Variants in PRKN observed in about 807,000 individuals in gnomAD.
PRKN encodes parkin RBR E3 ubiquitin protein ligase, also known as E3 ubiquitin-protein ligase parkin.
PRKN carries 56 observed loss-of-function variants against 59.5 expected under a neutral mutation model. The ratio of observed to expected loss-of-function variants is 0.94; its 90% CI spans 0.76 to 1.18. PRKN has a LOEUF of 1.18. Ranked by LOEUF, PRKN falls within the 50% of genes most tolerant of loss-of-function variation. The pLI is 0.00. For missense variants in PRKN, 657 were observed against 596.4 expected, an observed-to-expected ratio of 1.10 and a Z score of -1.06; for synonymous variants, 250 against 222.1, an observed-to-expected ratio of 1.13 and a Z score of -1.12.
At chr6:161,804,577 T>C (rs935673402) in intron 6 of PRKN, among the ~76,000 whole-genome samples, 1 of 152,238 alleles carries the variant, frequency 6.6e-6, no homozygotes, top group Non-Finnish European at 1.5e-5. Context: ...AGGATTGAAG[T>C]AAACTCTGGT....
intron 7 of PRKN, among the ~76,000 whole-genome samples, chr6:161,635,499 C>G (rs1783478707): frequency 6.6e-6 from 1 of 152,250 alleles, no homozygotes. Flanking sequence ...CCTCAGCCCC[C>G]ATTCATGTGA....
chr6:162,336,252 A>T (rs887332884), intron 2 of PRKN, among the ~76,000 whole-genome samples: 1 of 152,116 alleles, frequency 6.6e-6, no homozygotes, highest in African/African-American at 2.4e-5. Flanking sequence ...CAAGTATAAA[A>T]TGTTCATATT....
At chr6:162,276,695 G>A (rs943091691) in intron 2 of PRKN, among the ~76,000 whole-genome samples, 2 of 147,786 alleles carry the variant, frequency 1.4e-5, no homozygotes, top group Non-Finnish European at 3.0e-5. Flanking sequence ...AAGCTGGTGT[G>A]TGTGTGTGTG....
At chr6:161,798,824 C>G (rs1414138496) in intron 6 of PRKN, among the ~76,000 whole-genome samples, 1 of 152,096 alleles carries the variant, frequency 6.6e-6, no homozygotes, top group African/African-American at 2.4e-5. Context: ...GCCAGGCACG[C>G]TTACATGGAA....
chr6:162,650,738 C>G (rs781075097), intron 1 of PRKN, among the ~76,000 whole-genome samples: 2 of 152,138 alleles, frequency 1.3e-5, no homozygotes, highest in Non-Finnish European at 2.9e-5. Flanking sequence ...ATGTTTTTCT[C>G]CATTGGCTTA....
chr6:162,146,847 C>T (rs1782051526), intron 4 of PRKN, among the ~76,000 whole-genome samples: 1 of 151,928 alleles, frequency 6.6e-6, no homozygotes, highest in Admixed American at 6.6e-5. Context: ...TCTCTTGACT[C>T]AGCCTCCCGA....
At chr6:162,459,752 TAGC>T (rs1352051875) in intron 1 of PRKN, among the ~76,000 whole-genome samples, 2 of 152,240 alleles carry the variant, frequency 1.3e-5, no homozygotes, top group Non-Finnish European at 1.5e-5. Flanking sequence ...CAGTAAATGT[TAGC>T]AGCTACTAAA....
At chr6:161,464,779 C>T (rs575491092) in intron 9 of PRKN, among the ~76,000 whole-genome samples, 1 of 152,276 alleles carries the variant, frequency 6.6e-6, no homozygotes, top group South Asian at 2.1e-4. Context: ...ACATACAGGC[C>T]CCTAAGGTCT....
chr6:161,455,705 T>C lies in PRKN; in HGVS notation c.1084-68828A>G, dbSNP rs377114019. ...ATGGTGAAACCCCATCTCTACTAAA[T>C]ACAAAAAATTAGCCAGGTATGGTGG... is the stretch of plus-strand genomic sequence containing the variant. On this transcript the variant is annotated intron_variant, in intron 9 of 11. Transcript: ENST00000366898. Among the ~76,000 whole-genome samples, 61 of 151,696 alleles carry C rather than the reference T, an allele frequency of 4.0e-4. 1 individual carries two copies. The East Asian group carries it at 0.011, about 26-fold the overall frequency.
chr6:161,587,813 T>C (rs1781573429), intron 7 of PRKN, among the ~76,000 whole-genome samples: 1 of 152,108 alleles, frequency 6.6e-6, no homozygotes, highest in Admixed American at 6.6e-5. Context: ...TTTAAAGGTG[T>C]TTTGAACACA....
intron 5 of PRKN, among the ~76,000 whole-genome samples, chr6:162,014,218 C>A (rs7741581): frequency 6.6e-6 from 1 of 151,942 alleles, no homozygotes; most frequent in South Asian, 2.1e-4. Context: ...TAAAAACCCA[C>A]GTGTGACATT....
In PRKN at chr6:162,235,940, AG is replaced by A. The variant is rs1398731825; in HGVS notation, c.412+26584del. ...AAGGAAGGAAGGAAGGAAGGAAGGA[AG>A]GAAGGAAGGAAGAAAGGAAGAAAGA... On this transcript the variant is annotated intron_variant, in intron 3 of 11. Transcript: ENST00000366898. Among the ~76,000 whole-genome samples the A allele has an allele frequency of 5.2e-3, 510 of 97,198 alleles. 2 individuals are homozygous for A. The highest frequency in any genetic ancestry group is 0.013 in the African/African-American group (228 of 17,388). 63.8% of individuals were successfully genotyped at this position (97,198 alleles called of 152,430 possible). A position where few individuals can be genotyped will look rare whatever the true frequency, so the allele number is the denominator to read the frequency against.
chr6:162,192,976 G>A (rs1357622646), intron 4 of PRKN, among the ~76,000 whole-genome samples: 2 of 152,210 alleles, frequency 1.3e-5, no homozygotes, highest in Non-Finnish European at 2.9e-5. Context: ...GCGTCTGCAA[G>A]ACCGACTTCT....
Position 161,584,029 on chromosome 6 carries a change from C to G in PRKN, c.872-14613G>C, listed in dbSNP as rs996300368. On this transcript the variant is annotated intron_variant, in intron 7 of 11. Coordinates refer to ENST00000366898, the MANE Select transcript of PRKN (RefSeq NM_004562.3). This position sits in a 1 kb window ranked among gnomAD's most constrained non-coding sequence, Gnocchi z 4.8. ...AATTTGTCTACAAACTTAACACCAC[C>G]AATCACAGTGAGGCCAATGTCCCCC... 6.6e-6 allele frequency among the ~76,000 whole-genome samples: 1 copy of G among 152,178 alleles called. No homozygotes were observed. The highest frequency in any genetic ancestry group is 2.4e-5 in the African/African-American group (1 of 41,442).
Position 162,054,089 on chromosome 6 carries a change from A to T in PRKN, c.618+2T>A. 1.3e-6 allele frequency: 2 copies of T among 1,584,064 alleles called. No homozygotes were observed. The highest frequency in any genetic ancestry group is 1.7e-6 in the Non-Finnish European group (2 of 1,152,374). ...GAGGAATGAATGTGACCAGGTACTT[A>T]CTGCACTAGTCCCAGGGCAGTGTGG... On this transcript the variant is annotated splice_donor_variant, in intron 5 of 11. Transcript: ENST00000366898. LOFTEE classifies it high-confidence loss of function.
intron 2 of PRKN, among the ~76,000 whole-genome samples, chr6:162,297,673 CTTATTA>C (rs1011219135): frequency 1.3e-5 from 2 of 152,150 alleles, no homozygotes; most frequent in Middle Eastern, 3.4e-3. Flanking sequence ...AAAAAATATT[CTTATTA>C]TTAAGTTCAC....
intron 1 of PRKN, among the ~76,000 whole-genome samples, chr6:162,577,329 G>A (rs952312583): frequency 1.3e-5 from 2 of 152,158 alleles, no homozygotes; most frequent in African/African-American, 4.8e-5. Flanking sequence ...GCCAGGCACG[G>A]TGGCTCGTGC....
chr6:162,522,904 T>C (rs2128194037), intron 1 of PRKN, among the ~76,000 whole-genome samples: 1 of 152,260 alleles, frequency 6.6e-6, no homozygotes, highest in East Asian at 1.9e-4. Context: ...ATGTAAATGA[T>C]TTACCTTCAA....
intron 2 of PRKN, among the ~76,000 whole-genome samples, chr6:162,292,297 C>A (rs902305098): frequency 6.6e-6 from 1 of 152,216 alleles, no homozygotes; most frequent in African/African-American, 2.4e-5. Context: ...GGCACTGATC[C>A]GTCTTTCAAA....
Sources: allele counts gnomAD v4.1 joint callset (sites outside exome capture counted in the v4.1 genomes callset), GRCh38; gene constraint gnomAD v4.1.1; non-coding constraint Gnocchi (gnomAD v3.1); transcripts MANE v1.5; gene names NCBI Gene and HGNC (gene_info 2026-07-23, HGNC 2026-07-21).